Variants in MTOR observed in about 807,000 individuals in gnomAD.
MTOR encodes the protein serine/threonine-protein kinase mTOR.
MTOR carries 70 observed loss-of-function variants against 319.8 expected under a neutral mutation model. The ratio of observed to expected loss-of-function variants is 0.22; its 90% CI spans 0.18 to 0.27. MTOR has a LOEUF of 0.27. Ranked by LOEUF, MTOR falls within the 10% of genes least tolerant of loss-of-function variation. MTOR has a pLI of 1.00. For missense variants in MTOR, 1,890 were observed against 3,274.4 expected (o/e 0.58, Z 10.32); for synonymous variants, 1,183 against 1,211.4 (o/e 0.98, Z 0.49).
chr1:11,219,092 G>A (rs1242255872), intron 19 of MTOR, among the ~76,000 whole-genome samples: 1 of 152,014 alleles, frequency 6.6e-6, no homozygotes, highest in Non-Finnish European at 1.5e-5. Flanking sequence ...GCATGTGTCT[G>A]TAGTCCCAGT....
At chr1:11,239,511 A>G (rs1020982658) in intron 11 of MTOR, among the ~76,000 whole-genome samples, 6 of 152,072 alleles carry the variant, frequency 3.9e-5, no homozygotes, top group African/African-American at 1.4e-4. Context: ...TATGATCTTA[A>G]ATTTCAAAAG....
intron 29 of MTOR, among the ~76,000 whole-genome samples, chr1:11,165,667 G>A (rs1644620583): frequency 6.6e-6 from 1 of 151,992 alleles, no homozygotes; most frequent in Admixed American, 6.6e-5. Context: ...TGGCCATACT[G>A]CCCAAGGTAA....
intron 47 of MTOR, among the ~76,000 whole-genome samples, chr1:11,123,893 T>C (rs1034053130): frequency 2.6e-5 from 4 of 152,112 alleles, no homozygotes; most frequent in Admixed American, 6.6e-5. Flanking sequence ...GTTCAAGCAA[T>C]TCTCGTGCCT....
intron 6 of MTOR, among the ~76,000 whole-genome samples, chr1:11,250,786 G>A (rs946467438): frequency 2.6e-5 from 4 of 152,096 alleles, no homozygotes; most frequent in African/African-American, 2.4e-5. Context: ...GTCTTCTCCC[G>A]CAAGCCTGCT....
intron 46 of MTOR, among the ~76,000 whole-genome samples, chr1:11,125,847 C>G (rs562736506): frequency 6.6e-6 from 1 of 151,806 alleles, no homozygotes; most frequent in South Asian, 2.1e-4. Flanking sequence ...TCGAGACCAG[C>G]CTGGCCAACA....
intron 26 of MTOR, among the ~76,000 whole-genome samples, chr1:11,202,550 G>C (rs1319595433): frequency 2.0e-5 from 3 of 151,412 alleles, no homozygotes; most frequent in Non-Finnish European, 4.4e-5. Context: ...GAAAAGCCCA[G>C]ACTTCACCAC....
intron 30 of MTOR, among the ~76,000 whole-genome samples, chr1:11,152,136 A>G (rs1418896775): frequency 1.3e-5 from 2 of 152,234 alleles, no homozygotes; most frequent in African/African-American, 4.8e-5. Context: ...CATTTGTTAC[A>G]AAAAATAATG....
intron 29 of MTOR, among the ~76,000 whole-genome samples, chr1:11,159,519 T>C (rs561894136): frequency 1.3e-5 from 2 of 152,072 alleles, no homozygotes; most frequent in South Asian, 4.2e-4. Context: ...TGCATGCCTG[T>C]AATCCCAGCT....
At chr1:11,226,288 A>T (rs1646834307) in intron 19 of MTOR, 1 of 152,210 alleles carries the variant, frequency 6.6e-6, no homozygotes, top group Non-Finnish European at 1.5e-5. Context: ...CTAGCATTGG[A>T]ACAATCTAGA....
At chr1:11,225,231 T>TC (rs1360241786) in intron 19 of MTOR, among the ~76,000 whole-genome samples, 4 of 152,052 alleles carry the variant, frequency 2.6e-5, no homozygotes, top group African/African-American at 9.7e-5. Context: ...TTTTAAATTT[T>TC]CCCCCCACAT....
At chr1:11,242,454 C>T (rs953221479) in intron 9 of MTOR, among the ~76,000 whole-genome samples, 2 of 142,126 alleles carry the variant, frequency 1.4e-5, no homozygotes, top group Non-Finnish European at 3.0e-5. Flanking sequence ...GACCCAAGAC[C>T]GTGCCACTGC....
At chr1:11,241,048 C>T (rs1156598563) in intron 10 of MTOR, among the ~76,000 whole-genome samples, 1 of 151,594 alleles carries the variant, frequency 6.6e-6, no homozygotes, top group Non-Finnish European at 1.5e-5. Flanking sequence ...TGAGGCCAGG[C>T]GCGGTGGCTC....
chr1:11,209,578 A>G, intron 24 of MTOR, 120 bp from the exon 25 acceptor site: 1 of 1,186,274 alleles, frequency 8.4e-7, no homozygotes, highest in South Asian at 1.4e-5. Flanking sequence ...TAAGAAGTAA[A>G]AAGTTGCACA....
chr1:11,251,451 G>T (rs1406569721), intron 6 of MTOR, among the ~76,000 whole-genome samples: 1 of 151,934 alleles, frequency 6.6e-6, no homozygotes, highest in Non-Finnish European at 1.5e-5. Context: ...TTTCTCCATA[G>T]CTCTTATAAC....
intron 20 of MTOR, among the ~76,000 whole-genome samples, chr1:11,214,490 T>C (rs4845856): frequency 0.55 from 84,012 of 151,594 alleles, 27,220 homozygotes; most frequent in East Asian, 0.78. Context: ...GAGTAGGAAA[T>C]TTAATGATAA....
chr1:11,194,507 T>A (rs953080355), intron 28 of MTOR: 1 of 1,614,208 alleles, frequency 6.2e-7, no homozygotes, highest in African/African-American at 1.3e-5. Context: ...CACTTTGTTT[T>A]GGGCAATGAA....
Position 11,238,010 on chromosome 1 carries a change from C to T in MTOR, c.2041G>A (p.Glu681Lys), listed in dbSNP as rs143201596. The change falls in exon 13 of 58, where the codon GAG becomes AAG. Residue 681 changes from glutamate to lysine, a missense_variant. By Grantham distance (56) the Glu-to-Lys change is moderately conservative. Transcript: ENST00000361445. ...TGGGCCAGGTGTGCATCAAAGCGCT[C>T]GTCCAGGGACGCCAAGACACAGTAG... The part of the protein sequence containing the change: ...IRYCVLASLD[E>K]RFDAHLAQAE... 15 of 1,614,086 alleles carry T rather than the reference C, an allele frequency of 9.3e-6. No homozygotes were observed. Among genetic ancestry groups the T allele is most frequent in the East Asian group, 2.2e-5 (1 of 44,888 alleles).
intron 19 of MTOR, among the ~76,000 whole-genome samples, chr1:11,220,065 G>GAAAAA (rs143599037): frequency 9.3e-6 from 1 of 107,860 alleles, no homozygotes; most frequent in Admixed American, 1.4e-4. Flanking sequence ...AGAAAAGAAA[G>GAAAAA]AAAAAAAAAA....
Position 11,112,892 on chromosome 1 carries a change from G to T in MTOR, c.7326C>A (p.Ser2442=), listed in dbSNP as rs749479795. 24 of 1,614,184 alleles carry T rather than the reference G, an allele frequency of 1.5e-5. No individual in the cohort carries two copies. In the South Asian group the frequency reaches 2.5e-4, roughly 17 times the overall value. The stretch of plus-strand genomic sequence containing the variant: ...CAGAGTAGGAATCCGTCCTCGTTCG[G>T]GATCGCTTGTTGCCTTTGGTATTTG... ...MDTNTKGNKR[S]RTRTDSYSAG... The change falls in exon 54 of 58, where the codon TCC becomes TCA. Residue 2442 remains serine, a synonymous_variant. Coordinates refer to ENST00000361445, the MANE Select transcript of MTOR (RefSeq NM_004958.4).
Sources: gnomAD v4.1 joint callset for allele counts (sites outside exome capture counted in the v4.1 genomes callset) on GRCh38, gnomAD v4.1.1 for gene constraint, MANE v1.5 for transcripts, NCBI Gene and HGNC (gene_info 2026-07-23, HGNC 2026-07-21) for gene names.